The following ARFGEF1 variants were observed in gnomAD, a reference collection of about 807,000 sequenced individuals.
ARFGEF1 encodes ARF guanine nucleotide exchange factor 1.
Under a neutral mutation model 231.0 loss-of-function variants are expected in ARFGEF1, and 42 were observed. The ratio of observed to expected loss-of-function variants is 0.18; its 90% confidence interval spans 0.14 to 0.24. ARFGEF1 has a LOEUF of 0.24. ARFGEF1 is among the 10% of genes least tolerant of loss of function. The pLI is 1.00. For missense variants in ARFGEF1, 1,345 were observed against 2,192.0 expected, an observed-to-expected ratio of 0.61 and a Z score of 7.72; for synonymous variants, 710 against 732.3, an observed-to-expected ratio of 0.97 and a Z score of 0.49.
At chr8:67,271,396 C>G (rs1805093956) in intron 10 of ARFGEF1, among the ~76,000 whole-genome samples, 1 of 152,098 alleles carries the variant, frequency 6.6e-6, no homozygotes, top group Non-Finnish European at 1.5e-5. Context: ...ATATACCACA[C>G]AGACAATGGC....
chr8:67,302,144 A>G (rs1312801702), intron 2 of ARFGEF1, among the ~76,000 whole-genome samples: 1 of 152,132 alleles, frequency 6.6e-6, no homozygotes, highest in Non-Finnish European at 1.5e-5. Flanking sequence ...AGTTGCAGTG[A>G]GCTGTGATCA....
intron 1 of ARFGEF1, among the ~76,000 whole-genome samples, chr8:67,310,257 G>A (rs996892194): frequency 3.3e-5 from 5 of 152,090 alleles, no homozygotes; most frequent in East Asian, 1.9e-4. Context: ...GCAGGCACGC[G>A]CCACCACGCC....
intron 21 of ARFGEF1, 110 bp downstream of exon 21, chr8:67,238,625 C>T (rs1258652100): frequency 1.6e-5 from 23 of 1,438,334 alleles, no homozygotes; most frequent in South Asian, 2.7e-5. Flanking sequence ...CGTACTTATT[C>T]GAAATGTACT....
intron 7 of ARFGEF1, among the ~76,000 whole-genome samples, chr8:67,282,775 T>C (rs747069701): frequency 8.7e-5 from 13 of 150,066 alleles, no homozygotes; most frequent in Admixed American, 5.3e-4. Flanking sequence ...TTGAACCCGA[T>C]AGGCAGAGTT....
chr8:67,311,758 C>T (rs554321896), intron 1 of ARFGEF1, among the ~76,000 whole-genome samples: 14 of 152,242 alleles, frequency 9.2e-5, no homozygotes, highest in African/African-American at 2.9e-4. Flanking sequence ...TCATTGAGAA[C>T]GGGCCAGGAT....
At chr8:67,214,932 C>A (rs549122271) in intron 33 of ARFGEF1, among the ~76,000 whole-genome samples, 1 of 151,970 alleles carries the variant, frequency 6.6e-6, no homozygotes, top group Non-Finnish European at 1.5e-5. Context: ...CCCGAAGAAG[C>A]CAGCCATAGC....
intron 29 of ARFGEF1, among the ~76,000 whole-genome samples, chr8:67,222,269 A>ATGTATGTATGTAT (rs1483190587): frequency 1.7e-4 from 17 of 101,946 alleles, no homozygotes; most frequent in Admixed American, 2.1e-4. Context: ...GTATGTATGT[A>ATGTATGTATGTAT]TTTTTTTTTT....
chr8:67,332,817 A>C (rs1035250009), intron 1 of ARFGEF1, among the ~76,000 whole-genome samples: 1 of 152,150 alleles, frequency 6.6e-6, no homozygotes, highest in Non-Finnish European at 1.5e-5. Context: ...CAAGATGACT[A>C]TGTAGGCTCT....
chr8:67,232,974 G>T, intron 22 of ARFGEF1, 29 bp from the exon 23 acceptor site: 3 of 1,539,854 alleles, frequency 1.9e-6, no homozygotes, highest in Non-Finnish European at 2.7e-6. Context: ...AGTCATTTCA[G>T]TTTGAAAATA....
At chr8:67,324,080 C>T (rs903264583) in intron 1 of ARFGEF1, among the ~76,000 whole-genome samples, 2 of 152,148 alleles carry the variant, frequency 1.3e-5, no homozygotes, top group South Asian at 2.1e-4. Flanking sequence ...GGATTACAGG[C>T]GTGAGCCACC....
chr8:67,293,175 A>G (rs753935223), intron 5 of ARFGEF1, among the ~76,000 whole-genome samples: 1 of 152,106 alleles, frequency 6.6e-6, no homozygotes, highest in Non-Finnish European at 1.5e-5. Flanking sequence ...CACCTTTTCT[A>G]TAATTATCCA....
At chr8:67,201,681 A>G (rs193264114) in intron 36 of ARFGEF1, 76 bp from the exon 37 acceptor site, 8 of 1,581,600 alleles carry the variant, frequency 5.1e-6, no homozygotes, top group Admixed American at 3.6e-5. Flanking sequence ...GTATGGAGGC[A>G]CATTTTGTTT....
At chr8:67,312,562 G>C (rs7818520) in intron 1 of ARFGEF1, among the ~76,000 whole-genome samples, 1 of 151,930 alleles carries the variant, frequency 6.6e-6, no homozygotes, top group African/African-American at 2.4e-5. Context: ...CACAAGATCT[G>C]TCCTAAAAGA....
At chr8:67,342,348 A>T (rs1808677826) in intron 1 of ARFGEF1, among the ~76,000 whole-genome samples, 1 of 152,138 alleles carries the variant, frequency 6.6e-6, no homozygotes, top group South Asian at 2.1e-4. Flanking sequence ...ATTACACTAG[A>T]TCTCTTCCAT....
At chr8:67,301,675 C>T (rs948844710) in intron 2 of ARFGEF1, among the ~76,000 whole-genome samples, 18 of 152,158 alleles carry the variant, frequency 1.2e-4, no homozygotes, top group African/African-American at 4.1e-4. Flanking sequence ...TTTATTGTCA[C>T]TTAACAAATT....
At position 67,224,757 on chromosome 8, in the gene ARFGEF1, A is replaced by G. The variant is rs916569621; in HGVS notation, c.4208+146T>C. 1.3e-5 allele frequency: 6 copies of G among 451,166 alleles called. No homozygotes were observed. The Admixed American group carries it at 2.1e-4, about 16-fold the overall frequency. The allele number at this position is 451,166 out of a possible 1,614,324, so 27.9% of individuals were successfully genotyped here. A position where few individuals can be genotyped will look rare whatever the true frequency, so the allele number is the denominator to read the frequency against. The stretch of plus-strand genomic sequence containing the variant: ...TAATATTTTTAAATCATATTAACAT[A>G]TTTTAAAATATACCTAATAATTAAT... On this transcript the variant is annotated intron_variant, in intron 29 of 38. Transcript: ENST00000262215.
rs1221537685 is a variant in ARFGEF1, at chr8:67,204,832, C to G, written c.4820-13G>C. On this transcript the variant is annotated splice_polypyrimidine_tract_variant and intron_variant, in intron 34 of 38. Transcript: ENST00000262215. ...TGTTCTGGAAATTCTGTGAGGAAAC[C>G]CCCCCCAATGCACATGCAAACAAAA... 2 of 1,612,338 alleles carry G rather than the reference C, an allele frequency of 1.2e-6. No individual in the cohort carries two copies. Among genetic ancestry groups the G allele is most frequent in the Non-Finnish European group, 1.7e-6 (2 of 1,179,364 alleles).
chr8:67,222,204 TAC>T lies in ARFGEF1; in HGVS notation c.4209-2646_4209-2645del, dbSNP rs1376525855. On this transcript the variant is annotated intron_variant, in intron 29 of 38. Coordinates refer to ENST00000262215, the MANE Select transcript of ARFGEF1 (RefSeq NM_006421.5). ...ACACATATATATATATATATATATA[TAC>T]ACACACATATATATATATGTATATG... is the stretch of plus-strand genomic sequence containing the variant. 9.5e-3 allele frequency among the ~76,000 whole-genome samples: 1,085 copies of T among 114,410 alleles called. 20 individuals carry two copies. Among genetic ancestry groups the T allele is most frequent in the African/African-American group, 0.033 (948 of 28,344 alleles). The allele number at this position is 114,410 out of a possible 152,430, so 75.1% of individuals were successfully genotyped here.
downstream of ARFGEF1, among the ~76,000 whole-genome samples, chr8:67,197,323 G>A (rs1838078189): frequency 6.6e-6 from 1 of 152,006 alleles, no homozygotes; most frequent in Admixed American, 6.5e-5. Context: ...GTGTAGTGGT[G>A]TGTGCCTACA....
Sources: gnomAD v4.1 joint callset for allele counts (sites outside exome capture counted in the v4.1 genomes callset) on GRCh38, gnomAD v4.1.1 for gene constraint, MANE v1.5 for transcripts, NCBI Gene and HGNC (gene_info 2026-07-23, HGNC 2026-07-21) for gene names.